PHACTR3: variants seen among roughly 807,000 people sequenced by gnomAD.
The protein encoded by PHACTR3 is phosphatase and actin regulator 3.
In PHACTR3, 16 loss-of-function variants were observed where a neutral mutation model predicts 66.8. The ratio of observed to expected loss-of-function variants is 0.24; its 90% CI spans 0.16 to 0.36. The LOEUF is 0.36. Ranked by LOEUF, PHACTR3 falls within the 10% of genes least tolerant of loss-of-function variation. PHACTR3 has a pLI of 1.00. For synonymous variants in PHACTR3, 323 were observed against 292.1 expected (o/e 1.11, Z -1.08); for missense variants, 647 against 719.9 (o/e 0.90, Z 1.16).
rs1194485053 is a variant in PHACTR3 at position 59,806,471 on chromosome 20, C to T, written c.1328+277C>T. Among the ~76,000 whole-genome samples, 3 of 152,256 alleles carry T rather than the reference C, an allele frequency of 2.0e-5. No homozygotes were observed. The East Asian group carries it at 5.8e-4, about 29-fold the overall frequency. On this transcript the variant is annotated intron_variant, in intron 8 of 12. Coordinates refer to ENST00000371015, the MANE Select transcript of PHACTR3 (RefSeq NM_080672.5). ...ACTGTCCCTGGACATCATCAAATGC[C>T]TCCTGGAGGGTGAATTGCTCCACTG...
intron 4 of PHACTR3, among the ~76,000 whole-genome samples, chr20:59,763,666 A>G (rs2040079512): frequency 6.6e-6 from 1 of 152,196 alleles, no homozygotes; most frequent in African/African-American, 2.4e-5. Flanking sequence ...CTGAAGCCAA[A>G]GGAGTGGATG....
chr20:59,680,466 A>G (rs905644845), intron 1 of PHACTR3, among the ~76,000 whole-genome samples: 1 of 152,128 alleles, frequency 6.6e-6, no homozygotes. Flanking sequence ...CAAGAAAACC[A>G]CAACTGCAAC....
At chr20:59,744,511 G>A (rs978083018) in intron 2 of PHACTR3, among the ~76,000 whole-genome samples, 2 of 152,192 alleles carry the variant, frequency 1.3e-5, no homozygotes, top group Non-Finnish European at 2.9e-5. Flanking sequence ...GGGTCCCTGG[G>A]GTCCCATTTC....
chr20:59,801,113 G>T (rs2041400412), intron 7 of PHACTR3, among the ~76,000 whole-genome samples: 2 of 152,134 alleles, frequency 1.3e-5, no homozygotes, highest in African/African-American at 4.8e-5. Flanking sequence ...TTCTTACTAT[G>T]CAACTCTCTC....
At chr20:59,816,324 T>C (rs1298905363) in intron 8 of PHACTR3, among the ~76,000 whole-genome samples, 2 of 152,292 alleles carry the variant, frequency 1.3e-5, no homozygotes, top group East Asian at 1.9e-4. Context: ...AGGTTCCTAA[T>C]AGGCTAGGTT....
At chr20:59,746,426 C>T (rs1437685769) in intron 2 of PHACTR3, among the ~76,000 whole-genome samples, 1 of 152,202 alleles carries the variant, frequency 6.6e-6, no homozygotes, top group East Asian at 1.9e-4. Context: ...TGACATGGTG[C>T]CTGGCACACA....
chr20:59,641,534 C>T (rs959181418), intron 1 of PHACTR3, among the ~76,000 whole-genome samples: 4 of 152,190 alleles, frequency 2.6e-5, no homozygotes, highest in Admixed American at 1.3e-4. Context: ...TCTATTCAGT[C>T]CCTCAATGGA....
chr20:59,766,489 A>G (rs931925839), intron 4 of PHACTR3, among the ~76,000 whole-genome samples: 2 of 152,102 alleles, frequency 1.3e-5, no homozygotes, highest in African/African-American at 4.8e-5. Context: ...AAAGGGAAGG[A>G]TTGATAGGTT....
intron 1 of PHACTR3, among the ~76,000 whole-genome samples, chr20:59,711,395 T>A (rs935270681): frequency 6.6e-6 from 1 of 152,208 alleles, no homozygotes; most frequent in Non-Finnish European, 1.5e-5. Flanking sequence ...CACTCCCATA[T>A]GTACTGTAAG....
chr20:59,730,143 T>G (rs1438215617), intron 1 of PHACTR3, among the ~76,000 whole-genome samples: 2 of 152,100 alleles, frequency 1.3e-5, no homozygotes, highest in Non-Finnish European at 2.9e-5. Flanking sequence ...TGGTCTCTGC[T>G]CTCACGGTCA....
chr20:59,775,961 C>T (rs1334589408), intron 7 of PHACTR3, among the ~76,000 whole-genome samples: 1 of 152,184 alleles, frequency 6.6e-6, no homozygotes, highest in East Asian at 1.9e-4. Context: ...ACTGGATTCC[C>T]CCAGTGAAGA....
At chr20:59,793,758 CT>C (rs562172754) in intron 7 of PHACTR3, among the ~76,000 whole-genome samples, 59 of 147,126 alleles carry the variant, frequency 4.0e-4, no homozygotes, top group African/African-American at 1.1e-3. Flanking sequence ...ATTTGGATGC[CT>C]TTTTTTTTTC....
rs181150949 is a variant in PHACTR3 at position 59,756,138 on chromosome 20, G to A, written c.541+774G>A. Among the ~76,000 whole-genome samples the A allele has an allele frequency of 3.4e-3, 522 of 152,216 alleles. 3 individuals are homozygous for A. The highest frequency in any genetic ancestry group is 4.4e-3 in the Non-Finnish European group (297 of 68,004). On this transcript the variant is annotated intron_variant, in intron 4 of 12. Coordinates refer to ENST00000371015, the MANE Select transcript of PHACTR3 (RefSeq NM_080672.5). ...AGGGGAGAAGGGAGGAAGGATAGAG[G>A]GGAGGAAAGCAGGAACTGGCCACAG...
chr20:59,621,525 G>C (rs1173435913), intron 1 of PHACTR3, among the ~76,000 whole-genome samples: 2 of 152,232 alleles, frequency 1.3e-5, no homozygotes, highest in African/African-American at 2.4e-5. Context: ...GCATATTTCT[G>C]GTCCATGATA....
chr20:59,796,132 T>A (rs770952331), intron 7 of PHACTR3, among the ~76,000 whole-genome samples: 5 of 152,106 alleles, frequency 3.3e-5, no homozygotes, highest in Non-Finnish European at 5.9e-5. Flanking sequence ...GTGTATCTGC[T>A]GTAATTTTTT....
chr20:59,618,751 A>G (rs1278856635), intron 1 of PHACTR3, among the ~76,000 whole-genome samples: 1 of 151,782 alleles, frequency 6.6e-6, no homozygotes, highest in Non-Finnish European at 1.5e-5. Context: ...CGAGAGCCTG[A>G]GAGGTGCTGT....
chr20:59,609,686 C>T (rs893824197), intron 1 of PHACTR3, among the ~76,000 whole-genome samples: 1 of 152,190 alleles, frequency 6.6e-6, no homozygotes, highest in East Asian at 1.9e-4. Context: ...AGGCAAGAGC[C>T]TCTTTTGTCT....
rs747712998 is a variant in PHACTR3 at position 59,845,143 on chromosome 20, AT to A, written c.1588-39del. Reference sequence around the variant, plus strand: ...TTATAAACACGATGCTAATTTCCTGATTTTTTTAATATCCTGTAAAACAATG... The same window carrying A: ...TTATAAACACGATGCTAATTTCCTGATTTTTTAATATCCTGTAAAACAATG... On this transcript the variant is annotated intron_variant, in intron 11 of 12. Coordinates refer to ENST00000371015, the MANE Select transcript of PHACTR3 (RefSeq NM_080672.5). The A allele has an allele frequency of 1.4e-5, 17 of 1,243,368 alleles. No individual in the cohort carries two copies. In the Admixed American group the frequency reaches 1.9e-4, roughly 14 times the overall value. The allele number at this position is 1,243,368 out of a possible 1,614,324, so 77.0% of individuals were successfully genotyped here. A position where few individuals can be genotyped will look rare whatever the true frequency, so the allele number is the denominator to read the frequency against.
intron 1 of PHACTR3, among the ~76,000 whole-genome samples, chr20:59,661,377 A>G (rs1226074028): frequency 1.3e-5 from 2 of 152,066 alleles, no homozygotes; most frequent in East Asian, 3.9e-4. Flanking sequence ...GGGAGCATGC[A>G]CGTTGCTAAT....
Sources: allele counts gnomAD v4.1 joint callset (sites outside exome capture counted in the v4.1 genomes callset), GRCh38; gene constraint gnomAD v4.1.1; transcripts MANE v1.5; gene names NCBI Gene and HGNC (gene_info 2026-07-23, HGNC 2026-07-21).